GRXCR1: variants seen among roughly 807,000 people sequenced by gnomAD.
GRXCR1 encodes glutaredoxin and cysteine rich domain containing 1, also known as glutaredoxin domain-containing cysteine-rich protein 1.
A neutral mutation model predicts 27.3 loss-of-function variants in GRXCR1; 27 were observed. The ratio of observed to expected loss-of-function variants is 0.99; its 90% CI spans 0.73 to 1.37. The LOEUF (loss-of-function observed/expected upper bound fraction) is 1.37. GRXCR1 is among the 40% of genes most tolerant of loss of function. The probability of loss-of-function intolerance (pLI) is 0.00; values close to 1 mark genes in which losing one functional copy is unlikely to be tolerated. For synonymous variants in GRXCR1, 122 were observed against 131.1 expected (o/e 0.93, Z 0.47); for missense variants, 379 against 354.4 (o/e 1.07, Z -0.56).
intron 1 of GRXCR1, among the ~76,000 whole-genome samples, chr4:42,950,367 C>T (rs1224420187): frequency 2.0e-5 from 3 of 152,122 alleles, no homozygotes. Flanking sequence ...TATTCGCTGC[C>T]TGGCTTTTAA....
intron 1 of GRXCR1, among the ~76,000 whole-genome samples, chr4:42,944,572 G>A (rs1018340459): frequency 6.6e-5 from 10 of 152,014 alleles, no homozygotes; most frequent in East Asian, 5.8e-4. Context: ...ATGTAGGTAC[G>A]TTTTTATCTA....
intron 2 of GRXCR1, among the ~76,000 whole-genome samples, chr4:43,002,813 C>G (rs1712418175): frequency 6.6e-6 from 1 of 152,134 alleles, no homozygotes; most frequent in South Asian, 2.1e-4. Context: ...GGTATTGAAA[C>G]TTATGAATGA....
chr4:42,972,324 T>C (rs918486736), intron 2 of GRXCR1, among the ~76,000 whole-genome samples: 1 of 152,184 alleles, frequency 6.6e-6, no homozygotes, highest in Non-Finnish European at 1.5e-5. Flanking sequence ...CTCATGAACA[T>C]TCAAATCTTC....
chr4:43,024,164 C>CTGAGATTG (rs1465809476), intron 3 of GRXCR1, among the ~76,000 whole-genome samples: 4 of 137,464 alleles, frequency 2.9e-5, no homozygotes, highest in Non-Finnish European at 6.2e-5. Context: ...GCCATTTGTA[C>CTGAGATTG]TGAGATTGCC....
At chr4:43,025,838 G>A (rs1326182784) in intron 3 of GRXCR1, among the ~76,000 whole-genome samples, 2 of 152,028 alleles carry the variant, frequency 1.3e-5, no homozygotes, top group South Asian at 4.2e-4. Flanking sequence ...TAGCCGGGCA[G>A]GGTGGTGGGC....
At chr4:43,028,047 T>G (rs959509156) in intron 3 of GRXCR1, among the ~76,000 whole-genome samples, 2 of 151,672 alleles carry the variant, frequency 1.3e-5, no homozygotes, top group African/African-American at 4.9e-5. Context: ...AGGAGGAGGT[T>G]GCAGTGAGCT....
rs557303915 is a variant in GRXCR1 at position 42,959,484 on chromosome 4, G to A, written c.385-3408G>A. Among the ~76,000 whole-genome samples the A allele has an allele frequency of 3.3e-4, 50 of 151,804 alleles. No individual in the cohort carries two copies. In the South Asian group the frequency reaches 0.01, roughly 31 times the overall value. ...GGAGATGTTCTATGTGCCACATGAGGATTATAGTTAATAATATTATATTAC... is the reference window on the plus strand; with the variant it reads ...GGAGATGTTCTATGTGCCACATGAGAATTATAGTTAATAATATTATATTAC... On this transcript the variant is annotated intron_variant, in intron 1 of 3. Transcript: ENST00000399770.
At chr4:42,906,836 T>C (rs1270425628) in intron 1 of GRXCR1, among the ~76,000 whole-genome samples, 1 of 152,162 alleles carries the variant, frequency 6.6e-6, no homozygotes, top group Non-Finnish European at 1.5e-5. Flanking sequence ...TGAGATAAAC[T>C]GACAACAAAC....
In GRXCR1 at chr4:42,906,361, C is replaced by T. The variant is rs559802902; in HGVS notation, c.384+12711C>T. On this transcript the variant is annotated intron_variant, in intron 1 of 3. Coordinates refer to ENST00000399770, the MANE Select transcript of GRXCR1 (RefSeq NM_001080476.3). ...AACAGAAAGAAACTTCCCACCACAG[C>T]GCACTTGGCTTTATTTTTCTCTGCT... is the stretch of plus-strand genomic sequence containing the variant. Among the ~76,000 whole-genome samples the T allele has an allele frequency of 2.0e-5, 3 of 152,270 alleles. No homozygotes were observed. In the South Asian group the frequency reaches 6.2e-4, roughly 32 times the overall value.
chr4:42,904,206 T>A (rs576446803), intron 1 of GRXCR1, among the ~76,000 whole-genome samples: 2 of 152,288 alleles, frequency 1.3e-5, no homozygotes, highest in East Asian at 3.9e-4. Flanking sequence ...CTTCAGTCCA[T>A]GTGCTACACT....
At chr4:43,024,279 A>G (rs953158959) in intron 3 of GRXCR1, among the ~76,000 whole-genome samples, 2 of 131,400 alleles carry the variant, frequency 1.5e-5, no homozygotes, top group African/African-American at 6.0e-5. Flanking sequence ...TTATTTGTTC[A>G]TGAAGAACCG....
chr4:42,902,036 AATTTT>A (rs749487284), intron 1 of GRXCR1, among the ~76,000 whole-genome samples: 8 of 152,122 alleles, frequency 5.3e-5, no homozygotes, highest in Non-Finnish European at 1.0e-4. Context: ...AATATAATTT[AATTTT>A]ATTATGTTAG....
chr4:43,029,300 A>C (rs536561467), intron 3 of GRXCR1, among the ~76,000 whole-genome samples: 35 of 152,200 alleles, frequency 2.3e-4, no homozygotes, highest in Non-Finnish European at 4.1e-4. Context: ...TGTATGTGTC[A>C]ATATGTTAAG....
At chr4:43,010,600 G>A (rs1477240108) in intron 2 of GRXCR1, among the ~76,000 whole-genome samples, 6 of 152,030 alleles carry the variant, frequency 3.9e-5, no homozygotes, top group African/African-American at 7.2e-5. Context: ...GGATGGGGGT[G>A]GGGTGGGGAT....
At chr4:42,932,981 C>T (rs1191350749) in intron 1 of GRXCR1, among the ~76,000 whole-genome samples, 1 of 151,726 alleles carries the variant, frequency 6.6e-6, no homozygotes, top group Non-Finnish European at 1.5e-5. Flanking sequence ...AGAGAATCAT[C>T]TATATGATTC....
chr4:42,940,085 T>A (rs1747579522), intron 1 of GRXCR1, among the ~76,000 whole-genome samples: 1 of 151,956 alleles, frequency 6.6e-6, no homozygotes, highest in Non-Finnish European at 1.5e-5. Flanking sequence ...CTATTTCTGC[T>A]CCTCTGCCTG....
intron 1 of GRXCR1, among the ~76,000 whole-genome samples, chr4:42,958,289 A>C (rs1159705817): frequency 6.6e-6 from 1 of 152,050 alleles, no homozygotes; most frequent in African/African-American, 2.4e-5. Flanking sequence ...ACCCAACTAC[A>C]CAAGGTAAAC....
rs556111931 is a variant in GRXCR1 at position 42,981,944 on chromosome 4, G to A, written c.627+18810G>A. Reference sequence around the variant, plus strand: ...TTATATAATATATGAATGCAGAGCAGATATTTGACCTCCCTGTGTCTAGAT... The same window carrying A: ...TTATATAATATATGAATGCAGAGCAAATATTTGACCTCCCTGTGTCTAGAT... On this transcript the variant is annotated intron_variant, in intron 2 of 3. Coordinates refer to ENST00000399770, the MANE Select transcript of GRXCR1 (RefSeq NM_001080476.3). Among the ~76,000 whole-genome samples, 12 of 152,194 alleles carry A rather than the reference G, an allele frequency of 7.9e-5. No homozygotes were observed. The South Asian group carries it at 2.5e-3, about 32-fold the overall frequency.
intron 2 of GRXCR1, among the ~76,000 whole-genome samples, chr4:42,976,849 G>A (rs1161232953): frequency 6.6e-6 from 1 of 151,684 alleles, no homozygotes; most frequent in African/African-American, 2.4e-5. Flanking sequence ...AGCATTTTTC[G>A]AGAATGCAAC....
Sources: allele counts gnomAD v4.1 joint callset (sites outside exome capture counted in the v4.1 genomes callset), GRCh38; gene constraint gnomAD v4.1.1; transcripts MANE v1.5; gene names NCBI Gene and HGNC (gene_info 2026-07-23, HGNC 2026-07-21).